Variants in ZNF536 observed in about 807,000 individuals in gnomAD.
ZNF536 encodes zinc finger protein 536.
Under a neutral mutation model 84.5 loss-of-function variants are expected in ZNF536, and 13 were observed. The observed-to-expected ratio is 0.15, with a 90% CI of 0.10 to 0.24. The LOEUF (loss-of-function observed/expected upper bound fraction) is 0.24. Ranked by LOEUF, ZNF536 falls within the 10% of genes least tolerant of loss-of-function variation. The probability of loss-of-function intolerance (pLI) is 1.00; values close to 1 mark genes in which losing one functional copy is unlikely to be tolerated. For missense variants in ZNF536, 1,536 were observed against 1,747.5 expected (o/e 0.88, Z 2.16); for synonymous variants, 811 against 742.5 (o/e 1.09, Z -1.50).
chr19:30,349,991 C>T (rs1054694334), intron 2 of ZNF536, among the ~76,000 whole-genome samples: 11 of 151,486 alleles, frequency 7.3e-5, no homozygotes, highest in Admixed American at 3.9e-4. Context: ...TGAGATGCTC[C>T]GAAAGTTGTT....
At chr19:30,569,733 G>A (rs2146533027) in intron 1 of ZNF536, among the ~76,000 whole-genome samples, 1 of 151,864 alleles carries the variant, frequency 6.6e-6, no homozygotes, top group South Asian at 2.1e-4. Context: ...ACCACGCCTG[G>A]CTAATTTTTG....
intron 1 of ZNF536, among the ~76,000 whole-genome samples, chr19:30,233,626 G>A (rs1247096586): frequency 6.6e-6 from 1 of 152,114 alleles, no homozygotes; most frequent in Non-Finnish European, 1.5e-5. Flanking sequence ...GGGATTACAG[G>A]CATGAGGCAG....
At chr19:30,325,356 G>T (rs1011882786) in intron 2 of ZNF536, among the ~76,000 whole-genome samples, 1 of 152,214 alleles carries the variant, frequency 6.6e-6, no homozygotes, top group East Asian at 1.9e-4. Context: ...CAAGGCAGCC[G>T]GTGTGGTGGC....
intron 2 of ZNF536, among the ~76,000 whole-genome samples, chr19:30,326,008 TG>T (rs1352615725): frequency 1.4e-4 from 21 of 152,294 alleles, no homozygotes; most frequent in African/African-American, 4.6e-4. Context: ...AAATTGAACT[TG>T]GGGTCATGCA....
intron 1 of ZNF536, among the ~76,000 whole-genome samples, chr19:30,569,865 C>T (rs2046483235): frequency 1.3e-5 from 2 of 152,100 alleles, no homozygotes; most frequent in African/African-American, 4.8e-5. Flanking sequence ...CTGTACCCGG[C>T]CCAGAGAAGC....
chr19:30,486,140 C>T (rs1002127849), intron 2 of ZNF536, among the ~76,000 whole-genome samples: 2 of 152,130 alleles, frequency 1.3e-5, no homozygotes, highest in African/African-American at 2.4e-5. Flanking sequence ...GCAGGATGTG[C>T]AGGTTTGTTA....
Position 30,445,751 on chromosome 19 carries a change from G to C in ZNF536, c.2170+19G>C, listed in dbSNP as rs747719112. On this transcript the variant is annotated intron_variant, in intron 2 of 4. Coordinates refer to ENST00000355537, the MANE Select transcript of ZNF536 (RefSeq NM_014717.3). This position sits in a 1 kb window ranked among gnomAD's most constrained non-coding sequence, Gnocchi z 4.5. ...TCCTCAGGTAGGTTAGCTGAGAAGC[G>C]GGGAGAAGCAGCTTGTACAGCAGCC... 55 of 1,532,344 alleles carry C rather than the reference G, an allele frequency of 3.6e-5. No homozygotes were observed. The highest frequency in any genetic ancestry group is 1.8e-4 in the Middle Eastern group (1 of 5,478). 94.9% of individuals were successfully genotyped at this position (1,532,344 alleles called of 1,614,324 possible).
At chr19:30,406,799 C>T (rs1228379184) in intron 1 of ZNF536, among the ~76,000 whole-genome samples, 2 of 152,188 alleles carry the variant, frequency 1.3e-5, no homozygotes, top group Non-Finnish European at 2.9e-5. Flanking sequence ...GGGGCCACCA[C>T]AACTTGTTGG....
chr19:30,278,400 G>T (rs2045316794), intron 1 of ZNF536, among the ~76,000 whole-genome samples: 1 of 152,148 alleles, frequency 6.6e-6, no homozygotes, highest in Non-Finnish European at 1.5e-5. Context: ...GGCCCCAAGT[G>T]GGGAGGCCCT....
intron 1 of ZNF536, among the ~76,000 whole-genome samples, chr19:30,430,700 G>A (rs2051417674): frequency 6.6e-6 from 1 of 152,154 alleles, no homozygotes; most frequent in African/African-American, 2.4e-5. Flanking sequence ...AGAAAAGGGA[G>A]TCCTTTCTCT....
intron 1 of ZNF536, among the ~76,000 whole-genome samples, chr19:30,387,267 C>G (rs1392713989): frequency 6.6e-6 from 1 of 152,162 alleles, no homozygotes; most frequent in East Asian, 1.9e-4. Context: ...GGAAAATTTG[C>G]AAAAGGGGCT....
chr19:30,294,589 G>GTGTA (rs1274044041), intron 2 of ZNF536, among the ~76,000 whole-genome samples: 1 of 144,340 alleles, frequency 6.9e-6, no homozygotes, highest in African/African-American at 2.6e-5. Context: ...GTGTGTGTGT[G>GTGTA]TATTTAAACA....
At chr19:30,667,406 C>T (rs1472390751) in intron 1 of ZNF536, among the ~76,000 whole-genome samples, 2 of 152,116 alleles carry the variant, frequency 1.3e-5, no homozygotes, top group East Asian at 1.9e-4. Flanking sequence ...CACCCTCCCA[C>T]GCTATCAGCC....
At chr19:30,629,704 C>A (rs1025822392) in intron 1 of ZNF536, among the ~76,000 whole-genome samples, 1 of 152,226 alleles carries the variant, frequency 6.6e-6, no homozygotes, top group African/African-American at 2.4e-5. Flanking sequence ...TAGGCTTTGG[C>A]ACTGTTTGTA....
intron 1 of ZNF536, among the ~76,000 whole-genome samples, chr19:30,250,172 C>T (rs981117021): frequency 3.9e-5 from 6 of 152,146 alleles, no homozygotes; most frequent in Non-Finnish European, 8.8e-5. Flanking sequence ...CCTTAATTCA[C>T]GATTCTGTCT....
chr19:30,694,369 T>G (rs968073774), intron 1 of ZNF536, among the ~76,000 whole-genome samples: 1 of 152,240 alleles, frequency 6.6e-6, no homozygotes, highest in African/African-American at 2.4e-5. Flanking sequence ...GCAGTTCATC[T>G]GCTGGGTGAA....
chr19:30,653,591 T>C (rs546291365), intron 1 of ZNF536, among the ~76,000 whole-genome samples: 21 of 152,228 alleles, frequency 1.4e-4, no homozygotes, highest in Admixed American at 6.5e-4. Flanking sequence ...GGACAAGAGA[T>C]AGAAGAGAGG....
At chr19:30,462,920 T>G (rs2053216855) in intron 2 of ZNF536, among the ~76,000 whole-genome samples, 1 of 144,782 alleles carries the variant, frequency 6.9e-6, no homozygotes, top group Admixed American at 6.9e-5. Context: ...GGGTGTGTGT[T>G]GTGTGGATAA....
At chr19:30,553,596 C>T (rs550075925) in intron 4 of ZNF536, among the ~76,000 whole-genome samples, 74 of 152,334 alleles carry the variant, frequency 4.9e-4, no homozygotes, top group African/African-American at 1.8e-3. Context: ...AAAGAGCACA[C>T]TCCCCTTTGC....
Sources: allele counts gnomAD v4.1 joint callset (sites outside exome capture counted in the v4.1 genomes callset), GRCh38; gene constraint gnomAD v4.1.1; non-coding constraint Gnocchi (gnomAD v3.1); transcripts MANE v1.5; gene names NCBI Gene and HGNC (gene_info 2026-07-23, HGNC 2026-07-21).